NAA25: variants seen among roughly 807,000 people sequenced by gnomAD.
NAA25 encodes the protein N-terminal acetyltransferase B complex subunit NAA25.
Under a neutral mutation model 132.5 loss-of-function variants are expected in NAA25, and 30 were observed. The ratio of observed to expected loss-of-function variants is 0.23; its 90% CI spans 0.17 to 0.31. The LOEUF (loss-of-function observed/expected upper bound fraction) is 0.31. Among genes scored for constraint, NAA25 ranks in the 10% least tolerant of loss-of-function variants. NAA25 has a pLI of 1.00. For synonymous variants in NAA25, 359 were observed against 401.9 expected (o/e 0.89, Z 1.28); for missense variants, 771 against 1,150.4 (o/e 0.67, Z 4.77).
rs971365315 is a variant in NAA25 at position 112,071,899 on chromosome 12, T to C, written c.1032A>G (p.Lys344=). 7 of 1,611,888 alleles carry C rather than the reference T, an allele frequency of 4.3e-6. No homozygotes were observed. Among genetic ancestry groups the C allele is most frequent in the Non-Finnish European group, 1.7e-6 (2 of 1,178,888 alleles). The change falls in exon 10 of 24, where the codon AAA becomes AAG. Residue 344 remains lysine, a synonymous_variant. Transcript: ENST00000261745. ...CCAGATATCATGGTTTCTTACCCAG[T>C]TTGTACTCATCGTTACAACCTTGAC... ...LRSQGCNDEY[K]LGDPEELMFQ... is the part of the protein sequence containing the mutation.
At chr12:112,103,824 T>C (rs1047065786) in intron 1 of NAA25, among the ~76,000 whole-genome samples, 46 of 152,148 alleles carry the variant, frequency 3.0e-4, no homozygotes, top group African/African-American at 1.1e-3. Context: ...ATATCAGGCA[T>C]TAGTTAGAGT....
At chr12:112,061,709 T>C (rs192670465) in intron 11 of NAA25, among the ~76,000 whole-genome samples, 1 of 152,142 alleles carries the variant, frequency 6.6e-6, no homozygotes, top group East Asian at 1.9e-4. Context: ...ATTAACATAA[T>C]ATATATTACA....
intron 23 of NAA25, among the ~76,000 whole-genome samples, chr12:112,031,309 GAA>G (rs2078147176): frequency 6.6e-6 from 1 of 152,156 alleles, no homozygotes; most frequent in Admixed American, 6.6e-5. Context: ...AAACTGAATT[GAA>G]GAGATTTTTA....
chr12:112,079,217 C>G (rs2078936355), intron 5 of NAA25, among the ~76,000 whole-genome samples: 1 of 152,046 alleles, frequency 6.6e-6, no homozygotes, highest in Non-Finnish European at 1.5e-5. Context: ...TTAATAACAC[C>G]AGATTCTGCT....
At chr12:112,046,829 C>T (rs2078388329) in intron 17 of NAA25, among the ~76,000 whole-genome samples, 2 of 152,160 alleles carry the variant, frequency 1.3e-5, no homozygotes, top group African/African-American at 4.8e-5. Context: ...AGAGTTCTCT[C>T]TATATATGAA....
At chr12:112,107,496 A>G (rs963060036) in intron 1 of NAA25, among the ~76,000 whole-genome samples, 1 of 152,084 alleles carries the variant, frequency 6.6e-6, no homozygotes, top group African/African-American at 2.4e-5. Context: ...GGCCAAGGCC[A>G]GTGACTGTCA....
chr12:112,060,458 G>A, intron 12 of NAA25, 99 bp from the exon 13 acceptor site: 10 of 701,544 alleles, frequency 1.4e-5, no homozygotes, highest in Admixed American at 8.7e-5. Flanking sequence ...AGGGAGAGGA[G>A]GAAAAGTAAA....
chr12:112,068,592 G>C (rs981756503), intron 11 of NAA25, among the ~76,000 whole-genome samples: 1 of 151,758 alleles, frequency 6.6e-6, no homozygotes. Context: ...CATGTAAATC[G>C]AGATGTGTTA....
intron 1 of NAA25, among the ~76,000 whole-genome samples, chr12:112,096,231 C>T (rs2079211850): frequency 6.6e-6 from 1 of 152,130 alleles, no homozygotes; most frequent in African/African-American, 2.4e-5. Context: ...AATGGGAAAA[C>T]AGTACAGTAG....
intron 1 of NAA25, among the ~76,000 whole-genome samples, chr12:112,102,759 T>TCACTGCAACCTCCGCC (rs2079312537): frequency 7.0e-6 from 1 of 143,722 alleles, no homozygotes; most frequent in African/African-American, 2.6e-5. Flanking sequence ...CGATCTCGGC[T>TCACTGCAACCTCCGCC]CACTGCAACC....
intron 7 of NAA25, among the ~76,000 whole-genome samples, chr12:112,076,706 A>G (rs2078899944): frequency 1.3e-5 from 2 of 152,074 alleles, no homozygotes; most frequent in Admixed American, 1.3e-4. Flanking sequence ...TTAAAAAAAA[A>G]AAAGGGCCAG....
intron 1 of NAA25, chr12:112,097,259 T>C (rs899117827): frequency 2.4e-4 from 36 of 152,294 alleles, no homozygotes; most frequent in African/African-American, 8.4e-4. Context: ...GCTCCAGAAT[T>C]TCTATTTTGA....
At chr12:112,058,155 C>CT (rs1324385322) in intron 13 of NAA25, among the ~76,000 whole-genome samples, 3 of 149,246 alleles carry the variant, frequency 2.0e-5, no homozygotes, top group Non-Finnish European at 4.5e-5. Flanking sequence ...CCAAAACAAA[C>CT]TAAAAAAAAA....
At chr12:112,045,640 C>CA (rs1555232805) in intron 17 of NAA25, among the ~76,000 whole-genome samples, 1 of 150,576 alleles carries the variant, frequency 6.6e-6, no homozygotes, top group African/African-American at 2.4e-5. Context: ...ACTAAAAATA[C>CA]AAAAATTAGC....
chr12:112,086,380 C>T (rs1280157319), intron 4 of NAA25, among the ~76,000 whole-genome samples: 2 of 151,560 alleles, frequency 1.3e-5, no homozygotes, highest in Non-Finnish European at 2.9e-5. Context: ...CCTGTAATCC[C>T]AGCTACTCGG....
chr12:112,105,603 C>G (rs1739724980), intron 1 of NAA25, among the ~76,000 whole-genome samples: 1 of 152,202 alleles, frequency 6.6e-6, no homozygotes, highest in South Asian at 2.1e-4. Context: ...CACCACATAG[C>G]CCTGTCCACA....
chr12:112,054,595 C>A, intron 13 of NAA25, 27 bp from the exon 14 acceptor site: 1 of 1,582,202 alleles, frequency 6.3e-7, no homozygotes, highest in Non-Finnish European at 8.6e-7. Flanking sequence ...GCATTATCCA[C>A]TGATCTTGAC....
intron 10 of NAA25, 52 bp downstream of exon 10, chr12:112,071,843 A>C: frequency 1.7e-6 from 2 of 1,143,102 alleles, no homozygotes; most frequent in Non-Finnish European, 2.2e-6. Flanking sequence ...TGAATATAGC[A>C]CTTGGGTATT....
In NAA25 at chr12:112,088,107, G is replaced by A. The variant is rs181933709; in HGVS notation, c.284-306C>T. Among the ~76,000 whole-genome samples, 32 of 152,254 alleles carry A rather than the reference G, an allele frequency of 2.1e-4. 1 individual carries two copies. In the East Asian group the frequency reaches 4.1e-3, roughly 19 times the overall value. On this transcript the variant is annotated intron_variant, in intron 3 of 23. Coordinates refer to ENST00000261745, the MANE Select transcript of NAA25 (RefSeq NM_024953.4). ...GTAGTTCCACCAGATTCTCTGGGAT[G>A]TATCATACATAACTCTATGCCTCTA...
Sources: allele counts gnomAD v4.1 joint callset (sites outside exome capture counted in the v4.1 genomes callset), GRCh38; gene constraint gnomAD v4.1.1; transcripts MANE v1.5; gene names NCBI Gene and HGNC (gene_info 2026-07-23, HGNC 2026-07-21).